The following ADAMTS2 variants were observed in gnomAD, a reference collection of about 807,000 sequenced individuals.
ADAMTS2 encodes A disintegrin and metalloproteinase with thrombospondin motifs 2.
A neutral mutation model predicts 123.0 loss-of-function variants in ADAMTS2; 50 were observed. The observed-to-expected ratio is 0.41, with a 90% CI of 0.32 to 0.51. The LOEUF (loss-of-function observed/expected upper bound fraction) is 0.51. Ranked by LOEUF, ADAMTS2 falls within the 20% of genes least tolerant of loss-of-function variation. The pLI is 0.35. For missense variants in ADAMTS2, 1,494 were observed against 1,705.2 expected, an observed-to-expected ratio of 0.88 and a Z score of 2.18; for synonymous variants, 678 against 695.4, an observed-to-expected ratio of 0.98 and a Z score of 0.39.
intron 3 of ADAMTS2, among the ~76,000 whole-genome samples, chr5:179,250,786 C>A (rs781744091): frequency 1.3e-5 from 2 of 152,212 alleles, no homozygotes; most frequent in African/African-American, 4.8e-5. Flanking sequence ...TCCTAACTTT[C>A]GAAACCTGGC....
intron 2 of ADAMTS2, among the ~76,000 whole-genome samples, chr5:179,337,079 A>C (rs1202303040): frequency 2.0e-5 from 3 of 152,192 alleles, no homozygotes; most frequent in Non-Finnish European, 4.4e-5. Context: ...TAACTTCTCC[A>C]TATTAATGGC....
intron 3 of ADAMTS2, among the ~76,000 whole-genome samples, chr5:179,230,814 C>G (rs1428623075): frequency 1.3e-5 from 2 of 152,168 alleles, no homozygotes; most frequent in East Asian, 3.9e-4. Context: ...AGTTCGAGAC[C>G]AGGCTGGCCA....
chr5:179,141,690 G>A (rs78480065), intron 10 of ADAMTS2, among the ~76,000 whole-genome samples: 10,037 of 152,136 alleles, frequency 0.066, 514 homozygotes, highest in African/African-American at 0.14. Flanking sequence ...CCAAGAAGAC[G>A]GGGCTGCCTC....
At chr5:179,177,714 T>C (rs943684625) in intron 5 of ADAMTS2, among the ~76,000 whole-genome samples, 2 of 152,078 alleles carry the variant, frequency 1.3e-5, no homozygotes, top group African/African-American at 4.8e-5. Context: ...GCAAATGTTC[T>C]GACTGTGATC....
rs1270692238 is a variant in ADAMTS2, at chr5:179,181,497, A to G, written c.892-342T>C. ...GCTGAAACACAACCTTCCCTTCAAC[A>G]GTGAACGTGGGTGATGGACCCCCGC... is the stretch of plus-strand genomic sequence containing the variant. On this transcript the variant is annotated intron_variant, in intron 4 of 21. Transcript: ENST00000251582. The surrounding 1 kb of genome is among the most constrained non-coding windows in gnomAD (Gnocchi z 4.1). Among the ~76,000 whole-genome samples, 1 of 152,010 alleles carries G rather than the reference A, an allele frequency of 6.6e-6. No homozygotes were observed. The highest frequency in any genetic ancestry group is 2.4e-5 in the African/African-American group (1 of 41,384).
At chr5:179,182,491 G>C (rs1283269009) in intron 4 of ADAMTS2, among the ~76,000 whole-genome samples, 1 of 152,164 alleles carries the variant, frequency 6.6e-6, no homozygotes, top group Non-Finnish European at 1.5e-5. Flanking sequence ...CAGGAAACCC[G>C]AGGGTTCACA....
At position 179,262,411 on chromosome 5, in the gene ADAMTS2, C is replaced by T. The variant is rs150246340; in HGVS notation, c.688+10500G>A. 3.5e-3 allele frequency among the ~76,000 whole-genome samples: 530 copies of T among 152,172 alleles called. 6 individuals are homozygous for T. Among genetic ancestry groups the T allele is most frequent in the African/African-American group, 0.012 (511 of 41,502 alleles). On this transcript the variant is annotated intron_variant, in intron 3 of 21. Transcript: ENST00000251582. This position sits in a 1 kb window ranked among gnomAD's most constrained non-coding sequence, Gnocchi z 5.9. ...TCCTCCCTGCTTCCACACCGTCCAC[C>T]GAAAACCCTCCAAAGGCCTCCACCG...
In ADAMTS2 at chr5:179,176,292, T is replaced by A. The variant is rs1400830844; in HGVS notation, c.975+4780A>T. ...GCCAGAGGCTTCAACACTGGAGCCC[T>A]GAGGCCTCTCTCCCAGGCTCCCCCT... On this transcript the variant is annotated intron_variant, in intron 5 of 21. Transcript: ENST00000251582. 1.3e-5 allele frequency among the ~76,000 whole-genome samples: 2 copies of A among 152,166 alleles called. 1 individual carries two copies. The highest frequency in any genetic ancestry group is 4.1e-4 in the South Asian group (2 of 4,826).
chr5:179,336,361 C>T (rs1201895501), intron 2 of ADAMTS2, among the ~76,000 whole-genome samples: 1 of 152,246 alleles, frequency 6.6e-6, no homozygotes, highest in Non-Finnish European at 1.5e-5. Flanking sequence ...ACCGCTACTT[C>T]GTAATTCACA....
chr5:179,217,627 T>C (rs1765011307), intron 3 of ADAMTS2, among the ~76,000 whole-genome samples: 1 of 148,688 alleles, frequency 6.7e-6, no homozygotes, highest in South Asian at 2.2e-4. Flanking sequence ...TGGGCGGGCT[T>C]TGGGTTCCAA....
chr5:179,200,521 T>C (rs1764539826), intron 4 of ADAMTS2, among the ~76,000 whole-genome samples: 1 of 152,124 alleles, frequency 6.6e-6, no homozygotes, highest in African/African-American at 2.4e-5. Context: ...AGTCCTAGGA[T>C]TACAGGTGTG....
chr5:179,323,475 G>A (rs150588275), intron 2 of ADAMTS2, among the ~76,000 whole-genome samples: 6 of 152,376 alleles, frequency 3.9e-5, no homozygotes, highest in Non-Finnish European at 8.8e-5. Context: ...ACCTGGTCCT[G>A]CCACAGGCCA....
intron 3 of ADAMTS2, among the ~76,000 whole-genome samples, chr5:179,220,008 T>G (rs956482030): frequency 2.0e-5 from 3 of 152,242 alleles, no homozygotes; most frequent in African/African-American, 7.2e-5. Context: ...TAGCATCTGC[T>G]TAAGCCAGGG....
At chr5:179,286,019 T>G (rs1345477299) in intron 2 of ADAMTS2, among the ~76,000 whole-genome samples, 1 of 151,754 alleles carries the variant, frequency 6.6e-6, no homozygotes, top group Non-Finnish European at 1.5e-5. Flanking sequence ...TTTGAGACCA[T>G]CCTGGGCAAC....
chr5:179,137,684 G>A, intron 12 of ADAMTS2, 85 bp downstream of exon 12: 1 of 1,510,274 alleles, frequency 6.6e-7, no homozygotes, highest in Non-Finnish European at 8.9e-7. Flanking sequence ...CTTGCCCCAT[G>A]CAGGATCAGA....
At chr5:179,167,376 C>T (rs1401866727) in intron 5 of ADAMTS2, among the ~76,000 whole-genome samples, 1 of 152,128 alleles carries the variant, frequency 6.6e-6, no homozygotes. Flanking sequence ...GCCCCAGCGG[C>T]CCCAAGACAG....
intron 4 of ADAMTS2, among the ~76,000 whole-genome samples, chr5:179,203,314 C>T (rs926679644): frequency 4.6e-5 from 7 of 152,226 alleles, no homozygotes; most frequent in African/African-American, 7.2e-5. Flanking sequence ...CCCCAGACCC[C>T]GGGCTCTGGA....
rs761998633 is a variant in ADAMTS2, at chr5:179,181,129, G to C, written c.918C>G (p.Ser306=). ...GGACCACGTTGATGTGGGCACCCAA[G>C]GACTCGTCATGGTAGATTTCATTGA... ...NIVNEIYHDE[S]LGAHINVVLV... is the part of the protein sequence containing the mutation. Residue 306 remains serine (S), a synonymous_variant, in exon 5 of 22, where the codon TCC becomes TCG. Transcript: ENST00000251582. This position sits in a 1 kb window ranked among gnomAD's most constrained non-coding sequence, Gnocchi z 4.1. 3.7e-6 allele frequency: 6 copies of C among 1,613,938 alleles called. No individual in the cohort carries two copies. Among genetic ancestry groups the C allele is most frequent in the Non-Finnish European group, 5.1e-6 (6 of 1,179,914 alleles).
At chr5:179,292,788 C>G (rs1264644572) in intron 2 of ADAMTS2, among the ~76,000 whole-genome samples, 1 of 152,172 alleles carries the variant, frequency 6.6e-6, no homozygotes, top group Non-Finnish European at 1.5e-5. Flanking sequence ...TCCCACCCCA[C>G]CCTGGAGTGC....
Sources: allele counts gnomAD v4.1 joint callset (sites outside exome capture counted in the v4.1 genomes callset), GRCh38; gene constraint gnomAD v4.1.1; non-coding constraint Gnocchi (gnomAD v3.1); transcripts MANE v1.5; gene names NCBI Gene and HGNC (gene_info 2026-07-23, HGNC 2026-07-21).